WDR17: variants seen among roughly 807,000 people sequenced by gnomAD.
WDR17 encodes WD repeat domain 17, also known as WD repeat-containing protein 17.
A neutral mutation model predicts 161.7 loss-of-function variants in WDR17; 143 were observed. The ratio of observed to expected loss-of-function variants is 0.88; its 90% confidence interval spans 0.77 to 1.02. The LOEUF (loss-of-function observed/expected upper bound fraction) is 1.02, where lower values mean the gene tolerates loss of function less well. Ranked by LOEUF, WDR17 falls within the 50% of genes least tolerant of loss-of-function variation. The pLI is 0.00. For missense variants in WDR17, 1,469 were observed against 1,520.9 expected (o/e 0.97, Z 0.57); for synonymous variants, 517 against 515.6 (o/e 1.00, Z -0.04).
At chr4:176,113,747 A>T (rs1740154885) in intron 2 of WDR17, among the ~76,000 whole-genome samples, 1 of 152,012 alleles carries the variant, frequency 6.6e-6, no homozygotes, top group Non-Finnish European at 1.5e-5. Flanking sequence ...TGTGTAGTCA[A>T]AGTCTGATAA....
chr4:176,077,915 G>A lies in WDR17; in HGVS notation c.-7+11836G>A, dbSNP rs142991041. Among the ~76,000 whole-genome samples, 23 of 152,066 alleles carry A rather than the reference G, an allele frequency of 1.5e-4. 1 individual carries two copies. In the East Asian group the frequency reaches 4.4e-3, roughly 29 times the overall value. On this transcript the variant is annotated intron_variant, in intron 1 of 28. Coordinates refer to ENST00000508596, the MANE Select transcript of WDR17 (RefSeq NM_181265.4). ...AGAGAAAGGTTCTTTTTCTAGTAGT[G>A]CCCATAAAAGTCCTAAATTTCAAGA...
intron 1 of WDR17, among the ~76,000 whole-genome samples, chr4:176,093,648 G>A (rs1307377609): frequency 6.6e-6 from 1 of 152,116 alleles, no homozygotes; most frequent in East Asian, 1.9e-4. Flanking sequence ...ATGCGAAGAT[G>A]TGTAATAAAT....
chr4:176,122,781 G>A (rs887630175), intron 4 of WDR17, among the ~76,000 whole-genome samples: 1 of 152,092 alleles, frequency 6.6e-6, no homozygotes, highest in Non-Finnish European at 1.5e-5. Flanking sequence ...GTCCTTCTCA[G>A]AAGAAAAAAT....
chr4:176,090,090 G>T (rs1185006290), intron 1 of WDR17, among the ~76,000 whole-genome samples: 1 of 152,016 alleles, frequency 6.6e-6, no homozygotes, highest in Non-Finnish European at 1.5e-5. Flanking sequence ...TAGATTGGAT[G>T]TTTATCCCTG....
chr4:176,116,622 A>G (rs575205924), intron 3 of WDR17, among the ~76,000 whole-genome samples: 50 of 151,932 alleles, frequency 3.3e-4, no homozygotes, highest in African/African-American at 1.1e-3. Flanking sequence ...ATGGTTTTGA[A>G]AGCTACTGCT....
intron 18 of WDR17, 52 bp from the exon 19 acceptor site, chr4:176,159,942 T>TA (rs1748773784): frequency 3.4e-6 from 5 of 1,457,970 alleles, no homozygotes; most frequent in Middle Eastern, 1.8e-4. Flanking sequence ...TCAATTCACC[T>TA]AAAAACCTTC....
At chr4:176,179,260 CATA>C (rs1232699923) in intron 28 of WDR17, among the ~76,000 whole-genome samples, 197 bp from the exon 29 acceptor site, 11 of 152,122 alleles carry the variant, frequency 7.2e-5, no homozygotes, top group Non-Finnish European at 1.3e-4. Flanking sequence ...GGTATAATGA[CATA>C]ATGTTAAGAC....
In WDR17 at chr4:176,172,462, T is replaced by G; in HGVS notation, c.3190T>G (p.Leu1064Val). The change falls in exon 24 of 29, where the codon TTG becomes GTG. Residue 1064 changes from leucine to valine, a missense_variant. By Grantham distance (32) the Leu-to-Val change is conservative. Transcript: ENST00000508596. ...TATATTTGAAACTGTAAAATATTAC[T>G]TGTTAAGTCAAGAACCTGAAAAAGC... ...DNIFETVKYY[L>V]LSQEPEKALP... 1 of 1,611,012 alleles carries G rather than the reference T, an allele frequency of 6.2e-7. No homozygotes were observed. The highest frequency in any genetic ancestry group is 8.5e-7 in the Non-Finnish European group (1 of 1,179,200).
intron 1 of WDR17, among the ~76,000 whole-genome samples, chr4:176,082,164 A>G (rs1578999896): frequency 6.6e-6 from 1 of 152,076 alleles, no homozygotes; most frequent in Non-Finnish European, 1.5e-5. Flanking sequence ...AAAATGATGC[A>G]ACAGATATAT....
rs926915515 is a variant in WDR17 at position 176,180,182 on chromosome 4, G to GT, written c.*610dup. On this transcript the variant is annotated 3_prime_UTR_variant, in exon 29 of 29. Coordinates refer to ENST00000508596, the MANE Select transcript of WDR17 (RefSeq NM_181265.4). The stretch of plus-strand genomic sequence containing the variant: ...TTTTAAAAAAAAGAAAATGTTACCA[G>GT]TTTTTTTATCTGAAGTTTAACTGTC... 6.6e-6 allele frequency: 1 copy of GT among 151,904 alleles called. No homozygotes were observed. Among genetic ancestry groups the GT allele is most frequent in the Non-Finnish European group, 1.5e-5 (1 of 67,964 alleles). 9.4% of individuals were successfully genotyped at this position (151,904 alleles called of 1,614,324 possible). A position where few individuals can be genotyped will look rare whatever the true frequency, so the allele number is the denominator to read the frequency against.
chr4:176,166,279 C>T (rs534518299), intron 22 of WDR17: 6 of 299,802 alleles, frequency 2.0e-5, no homozygotes, highest in Non-Finnish European at 3.8e-5. Flanking sequence ...TGCCAATTCA[C>T]GTGTAATTTA....
chr4:176,143,023 G>T (rs1579173125), intron 11 of WDR17, among the ~76,000 whole-genome samples: 1 of 152,298 alleles, frequency 6.6e-6, no homozygotes, highest in South Asian at 2.1e-4. Context: ...GGGATTATGG[G>T]CATGCGCCAC....
intron 5 of WDR17, among the ~76,000 whole-genome samples, chr4:176,127,468 C>T (rs536663747): frequency 6.6e-6 from 1 of 151,714 alleles, no homozygotes; most frequent in South Asian, 2.1e-4. Flanking sequence ...GCTAATTTTT[C>T]TATTTTTAGT....
chr4:176,110,807 C>T (rs2333397), intron 1 of WDR17, among the ~76,000 whole-genome samples: 28,365 of 152,170 alleles, frequency 0.19, 2,901 homozygotes, highest in South Asian at 0.26. Flanking sequence ...AAGTCACACT[C>T]TATGTGTGGT....
chr4:176,092,420 G>C (rs6832331), intron 1 of WDR17, among the ~76,000 whole-genome samples: 8,833 of 152,108 alleles, frequency 0.058, 567 homozygotes, highest in African/African-American at 0.16. Flanking sequence ...CTTCAAAAAA[G>C]TGGGTGTAGG....
chr4:176,139,300 T>C (rs1397902345), intron 9 of WDR17, among the ~76,000 whole-genome samples: 1 of 151,946 alleles, frequency 6.6e-6, no homozygotes, highest in Non-Finnish European at 1.5e-5. Flanking sequence ...ATATTCCTTC[T>C]AGTTTTAAAA....
Position 176,122,200 on chromosome 4 carries a change from G to T in WDR17, c.538+2103G>T, listed in dbSNP as rs10010741. ...GCAGTATAACTGCAGTCTTCACATG[G>T]CACGTGGCATCCCTGCTGTGTGTAT... is the stretch of plus-strand genomic sequence containing the variant. On this transcript the variant is annotated intron_variant, in intron 4 of 28. Coordinates refer to ENST00000508596, the MANE Select transcript of WDR17 (RefSeq NM_181265.4). Among the ~76,000 whole-genome samples, 1,223 of 152,244 alleles carry T rather than the reference G, an allele frequency of 8.0e-3. 29 individuals are homozygous for T. The highest frequency in any genetic ancestry group is 0.027 in the African/African-American group (1,131 of 41,540).
chr4:176,098,366 G>C (rs936373514), intron 1 of WDR17: 1 of 151,978 alleles, frequency 6.6e-6, no homozygotes, highest in African/African-American at 2.4e-5. Flanking sequence ...ACATTCTAAA[G>C]TAAGGATAAT....
Position 176,099,544 on chromosome 4 carries a change from C to A in WDR17, c.-6-12031C>A, listed in dbSNP as rs367992410. 3.9e-5 allele frequency among the ~76,000 whole-genome samples: 6 copies of A among 152,138 alleles called. No homozygotes were observed. In the South Asian group the frequency reaches 1.0e-3, roughly 26 times the overall value. ...CCAGCAGGGGGAGGGGAAAAGAAAC[C>A]ACTTAAATTACACTAGAGCATTCTG... is the stretch of plus-strand genomic sequence containing the variant. On this transcript the variant is annotated intron_variant, in intron 1 of 28. Coordinates refer to ENST00000508596, the MANE Select transcript of WDR17 (RefSeq NM_181265.4).
Sources: allele counts gnomAD v4.1 joint callset (sites outside exome capture counted in the v4.1 genomes callset), GRCh38; gene constraint gnomAD v4.1.1; transcripts MANE v1.5; gene names NCBI Gene and HGNC (gene_info 2026-07-23, HGNC 2026-07-21).